PLSCR5: variants seen among roughly 807,000 people sequenced by gnomAD.
The protein encoded by PLSCR5 is phospholipid scramblase family, member 5.
A neutral mutation model predicts 33.6 loss-of-function variants in PLSCR5; 44 were observed. The observed-to-expected ratio is 1.31, with a 90% CI of 1.03 to 1.69. The LOEUF is 1.69. Ranked by LOEUF, PLSCR5 falls within the 40% of genes most tolerant of loss-of-function variation. The probability of loss-of-function intolerance (pLI) is 0.00; values close to 1 mark genes in which losing one functional copy is unlikely to be tolerated. For synonymous variants in PLSCR5, 148 were observed against 112.3 expected, an observed-to-expected ratio of 1.32 and a Z score of -2.01; for missense variants, 375 against 318.7, an observed-to-expected ratio of 1.18 and a Z score of -1.34.
At chr3:146,577,163 C>A (rs1402839303) in intron 7 of PLSCR5, among the ~76,000 whole-genome samples, 1 of 152,002 alleles carries the variant, frequency 6.6e-6, no homozygotes, top group Non-Finnish European at 1.5e-5. Flanking sequence ...ATTTATATTG[C>A]TTTTTCCTGC....
chr3:146,600,446 T>C lies in PLSCR5; in HGVS notation c.31A>G (p.Arg11Gly). The part of the protein sequence containing the change: MASKDAQNQR[R>G]GLPGFLPGAP... Reference sequence around the variant, plus strand: ...CCAGGAAGAAAACCAGGCAGACCTCTTCTTTGGTTCTGGGCATCTGCAAGA... The same window carrying C: ...CCAGGAAGAAAACCAGGCAGACCTCCTCTTTGGTTCTGGGCATCTGCAAGA... The change falls in exon 2 of 8, where the codon AGA (arginine) becomes GGA (glycine). Residue 11 changes from arginine to glycine, a missense_variant. Arg to Gly is a moderately radical substitution (Grantham distance 125, BLOSUM62 -2). Transcript: ENST00000443512. 1 of 1,595,314 alleles carries C rather than the reference T, an allele frequency of 6.3e-7. No homozygotes were observed. Among genetic ancestry groups the C allele is most frequent in the Non-Finnish European group, 8.6e-7 (1 of 1,168,802 alleles).
intron 7 of PLSCR5, among the ~76,000 whole-genome samples, chr3:146,580,745 G>A (rs1384962395): frequency 6.6e-6 from 1 of 152,168 alleles, no homozygotes; most frequent in African/African-American, 2.4e-5. Context: ...TTATAGGCGT[G>A]AGCCACCGCG....
At chr3:146,600,220 G>T in intron 2 of PLSCR5, 68 bp downstream of exon 2, 1 of 1,178,332 alleles carries the variant, frequency 8.5e-7, no homozygotes, top group Non-Finnish European at 1.1e-6. Flanking sequence ...TGATTGAAAA[G>T]CCAGAAAGAA....
At chr3:146,595,570 C>T (rs1162311183) in intron 2 of PLSCR5, among the ~76,000 whole-genome samples, 1 of 151,900 alleles carries the variant, frequency 6.6e-6, no homozygotes, top group Non-Finnish European at 1.5e-5. Flanking sequence ...CAGTACACTC[C>T]AGCCTAGTCC....
intron 7 of PLSCR5, among the ~76,000 whole-genome samples, chr3:146,580,488 G>A (rs1306375563): frequency 8.7e-6 from 1 of 115,096 alleles, no homozygotes; most frequent in Admixed American, 1.1e-4. Flanking sequence ...TTTTTGAGAC[G>A]GAGTCTTTCT....
intron 5 of PLSCR5, among the ~76,000 whole-genome samples, chr3:146,591,363 G>C (rs912207412): frequency 1.3e-5 from 2 of 152,002 alleles, no homozygotes; most frequent in African/African-American, 4.8e-5. Context: ...TAATCAAAGA[G>C]ATATAGTAGC....
chr3:146,600,341 T>C lies in PLSCR5; in HGVS notation c.136A>G (p.Ser46Gly), dbSNP rs1193631218. The C allele has an allele frequency of 1.9e-6, 3 of 1,607,224 alleles. No individual in the cohort carries two copies. Among genetic ancestry groups the C allele is most frequent in the Middle Eastern group, 1.7e-4 (1 of 6,032 alleles). ...AGACTGACTGTTGGCAGGAAACTGC[T>C]TGGCAGAGGGAGACTCAGCTGCCAT... ...QAWQLSLPLP[S>G]SFLPTVSLPP... The change falls in exon 2 of 8, where the codon AGC becomes GGC. Residue 46 changes from serine (S) to glycine (G), a missense_variant. Coordinates refer to ENST00000443512, the MANE Select transcript of PLSCR5 (RefSeq NM_001085420.2).
chr3:146,602,584 G>C (rs2044827303), intron 1 of PLSCR5, among the ~76,000 whole-genome samples: 1 of 151,942 alleles, frequency 6.6e-6, no homozygotes. Context: ...CCTAGGTTTT[G>C]TGCTCTATGT....
intron 4 of PLSCR5, among the ~76,000 whole-genome samples, chr3:146,593,684 G>T (rs562817570): frequency 6.6e-6 from 1 of 152,226 alleles, no homozygotes; most frequent in East Asian, 1.9e-4. Context: ...TTTACATGAT[G>T]CATGAGCTGT....
chr3:146,598,805 G>A (rs140938854), intron 2 of PLSCR5, among the ~76,000 whole-genome samples: 3 of 152,298 alleles, frequency 2.0e-5, no homozygotes, highest in Non-Finnish European at 2.9e-5. Context: ...GTAGGTTTGC[G>A]TTTCCAGCTC....
At chr3:146,599,837 C>A (rs1283377815) in intron 2 of PLSCR5, among the ~76,000 whole-genome samples, 1 of 151,944 alleles carries the variant, frequency 6.6e-6, no homozygotes, top group East Asian at 1.9e-4. Context: ...TGTCACCATG[C>A]CCTGATAATT....
chr3:146,587,143 A>C (rs1403869194), intron 6 of PLSCR5, among the ~76,000 whole-genome samples: 3 of 152,148 alleles, frequency 2.0e-5, no homozygotes, highest in Non-Finnish European at 2.9e-5. Context: ...GTTCAAGTGC[A>C]GGTCCTGATG....
At chr3:146,593,885 A>C in intron 4 of PLSCR5, 35 bp downstream of exon 4, 3 of 1,578,662 alleles carry the variant, frequency 1.9e-6, no homozygotes, top group Non-Finnish European at 2.6e-6. Flanking sequence ...GCTAATCTTA[A>C]AAATCAAAAA....
intron 4 of PLSCR5, 29 bp from the exon 5 acceptor site, chr3:146,591,910 A>G: frequency 6.6e-7 from 1 of 1,523,212 alleles, no homozygotes; most frequent in Non-Finnish European, 8.9e-7. Flanking sequence ...ATAAAATAAG[A>G]TTTTCTTAGG....
At chr3:146,595,637 T>C (rs1407248309) in intron 2 of PLSCR5, among the ~76,000 whole-genome samples, 3 of 152,062 alleles carry the variant, frequency 2.0e-5, no homozygotes, top group African/African-American at 7.2e-5. Flanking sequence ...AAAAGGAGAC[T>C]GAGACAGAAC....
downstream of PLSCR5, among the ~76,000 whole-genome samples, chr3:146,581,377 C>T (rs149806159): frequency 6.6e-6 from 1 of 152,290 alleles, no homozygotes; most frequent in East Asian, 1.9e-4. Flanking sequence ...GGTTTATTAT[C>T]AACTCTATTC....
At chr3:146,601,744 T>C (rs541026822) in intron 1 of PLSCR5, among the ~76,000 whole-genome samples, 1 of 152,274 alleles carries the variant, frequency 6.6e-6, no homozygotes, top group African/African-American at 2.4e-5. Context: ...CTCAAATTCA[T>C]GAATGTTTGT....
At chr3:146,593,825 C>A in intron 4 of PLSCR5, 95 bp downstream of exon 4, 1 of 1,092,446 alleles carries the variant, frequency 9.2e-7, no homozygotes, top group Non-Finnish European at 1.4e-6. Context: ...AAACAACTGG[C>A]AGGTTAATTG....
rs900191359 is a variant in PLSCR5 at position 146,586,014 on chromosome 3, C to T, written c.*44+16G>A. 1.2e-5 allele frequency: 17 copies of T among 1,426,422 alleles called. No individual in the cohort carries two copies. The African/African-American group carries it at 1.6e-4, about 14-fold the overall frequency. 88.4% of individuals were successfully genotyped at this position (1,426,422 alleles called of 1,614,324 possible). On this transcript the variant is annotated intron_variant, in intron 7 of 7. Transcript: ENST00000443512. ...TTCAAAGGGAAAGAGATCATTTAAA[C>T]TTGCTTTTTACTTACTGAAATATGT...
Sources: allele counts gnomAD v4.1 joint callset (sites outside exome capture counted in the v4.1 genomes callset), GRCh38; gene constraint gnomAD v4.1.1; transcripts MANE v1.5; gene names NCBI Gene and HGNC (gene_info 2026-07-23, HGNC 2026-07-21).